Variants in ACTR3C observed in about 807,000 individuals in gnomAD.
ACTR3C encodes actin-related protein 3C.
In ACTR3C, 18 loss-of-function variants were observed where a neutral mutation model predicts 26.3. The observed-to-expected ratio is 0.68, with a 90% CI of 0.47 to 1.01. The LOEUF (loss-of-function observed/expected upper bound fraction) is 1.01, where lower values mean the gene tolerates loss of function less well. Among genes scored for constraint, ACTR3C ranks in the 50% least tolerant of loss-of-function variants. ACTR3C has a pLI of 0.00. For synonymous variants in ACTR3C, 55 were observed against 94.5 expected, an observed-to-expected ratio of 0.58 and a Z score of 2.42; for missense variants, 184 against 250.7, an observed-to-expected ratio of 0.73 and a Z score of 1.80.
At chr7:150,220,684 A>G in the ACTR3C span, among the ~76,000 whole-genome samples, 1 of 152,204 alleles carries the variant, frequency 6.6e-6, no homozygotes, top group Non-Finnish European at 1.5e-5. Flanking sequence ...GGGACGCAGG[A>G]CTAGGCTCTT....
At chr7:150,083,248 C>A in the ACTR3C span, among the ~76,000 whole-genome samples, 2 of 151,716 alleles carry the variant, frequency 1.3e-5, no homozygotes, top group Non-Finnish European at 2.9e-5. Context: ...GCCCAGCCTC[C>A]TCTAGATATT....
At chr7:150,284,113 A>G (rs1222522865) in intron 6 of ACTR3C, among the ~76,000 whole-genome samples, 2 of 152,224 alleles carry the variant, frequency 1.3e-5, no homozygotes, top group African/African-American at 4.8e-5. Context: ...ATATGCATGA[A>G]ACGAAACCAA....
At chr7:150,034,737 C>A in the ACTR3C span, among the ~76,000 whole-genome samples, 5 of 151,014 alleles carry the variant, frequency 3.3e-5, no homozygotes, top group Non-Finnish European at 7.4e-5. Context: ...CCAGGTGGGT[C>A]CTAAGGATCC....
intron 1 of ACTR3C, among the ~76,000 whole-genome samples, chr7:150,312,460 G>A (rs933071060): frequency 1.6e-4 from 25 of 152,188 alleles, no homozygotes; most frequent in African/African-American, 5.3e-4. Flanking sequence ...AGACAATGGG[G>A]ACAAAAAGCT....
the ACTR3C span, among the ~76,000 whole-genome samples, chr7:150,038,530 AC>A: frequency 6.9e-6 from 1 of 144,788 alleles, no homozygotes. Flanking sequence ...TCCACAGCCT[AC>A]AAAACCCCAC....
chr7:150,316,283 G>A (rs1457299108), intron 1 of ACTR3C, among the ~76,000 whole-genome samples: 2 of 152,184 alleles, frequency 1.3e-5, no homozygotes, highest in Non-Finnish European at 2.9e-5. Flanking sequence ...CATTGGGCCT[G>A]TTTAAACTTT....
the ACTR3C span, among the ~76,000 whole-genome samples, chr7:149,972,789 G>A: frequency 5.9e-5 from 9 of 152,198 alleles, no homozygotes; most frequent in Non-Finnish European, 1.3e-4. Context: ...TGGAGGAGTG[G>A]AACTTCATTC....
chr7:150,235,697 A>G, the ACTR3C span, among the ~76,000 whole-genome samples: 2 of 152,180 alleles, frequency 1.3e-5, no homozygotes, highest in African/African-American at 4.8e-5. Flanking sequence ...TGACAACTAC[A>G]TATGTTGCTT....
At chr7:150,315,294 C>G (rs1796756103) in intron 1 of ACTR3C, among the ~76,000 whole-genome samples, 2 of 152,010 alleles carry the variant, frequency 1.3e-5, no homozygotes, top group African/African-American at 2.4e-5. Context: ...AAACTTCTGT[C>G]CTGCTAAAAC....
At chr7:150,056,394 C>A in the ACTR3C span, among the ~76,000 whole-genome samples, 3 of 152,180 alleles carry the variant, frequency 2.0e-5, no homozygotes. Flanking sequence ...TCACTGTGGA[C>A]TGTAACTTTA....
intron 1 of ACTR3C, among the ~76,000 whole-genome samples, chr7:150,313,082 G>T (rs138835712): frequency 1.3e-5 from 2 of 152,136 alleles, no homozygotes; most frequent in Middle Eastern, 3.4e-3. Context: ...CATGCACCCC[G>T]TAACCCCCTC....
chr7:150,241,181 C>T (rs1229992426), downstream of ACTR3C, among the ~76,000 whole-genome samples: 1 of 151,958 alleles, frequency 6.6e-6, no homozygotes, highest in Non-Finnish European at 1.5e-5. Context: ...ATGCAAAGAA[C>T]ATATAAAATA....
chr7:150,319,982 G>A (rs1265204548), intron 1 of ACTR3C, among the ~76,000 whole-genome samples: 1 of 152,218 alleles, frequency 6.6e-6, no homozygotes, highest in Non-Finnish European at 1.5e-5. Context: ...ATTTCCTTCC[G>A]TTCTTCCTCT....
the ACTR3C span, among the ~76,000 whole-genome samples, chr7:149,924,880 G>A: frequency 6.6e-6 from 1 of 152,042 alleles, no homozygotes. Context: ...TGCCTGCTTC[G>A]GCCTCCCAAA....
chr7:150,092,927 G>A, the ACTR3C span, among the ~76,000 whole-genome samples: 1 of 151,488 alleles, frequency 6.6e-6, no homozygotes, highest in Admixed American at 6.6e-5. Context: ...TCCTGCAGCA[G>A]GCCCTGCAGA....
chr7:150,037,073 C>T, the ACTR3C span, among the ~76,000 whole-genome samples: 6 of 109,126 alleles, frequency 5.5e-5, no homozygotes, highest in African/African-American at 1.0e-4. Context: ...GCGGGGGGTG[C>T]CTCCCCCTCG....
At chr7:150,036,682 G>A in the ACTR3C span, among the ~76,000 whole-genome samples, 1 of 139,316 alleles carries the variant, frequency 7.2e-6, no homozygotes, top group African/African-American at 2.5e-5. Context: ...CCGGTAGATT[G>A]CAAATAACCT....
At chr7:150,198,595 A>G in the ACTR3C span, among the ~76,000 whole-genome samples, 1 of 134,894 alleles carries the variant, frequency 7.4e-6, no homozygotes. Flanking sequence ...AAGTGAGGAG[A>G]TCCTCCGCCC....
chr7:149,927,305 C>T, the ACTR3C span, among the ~76,000 whole-genome samples: 1 of 151,794 alleles, frequency 6.6e-6, no homozygotes, highest in Non-Finnish European at 1.5e-5. Context: ...GAAAGCAATC[C>T]TGTAACCTCC....
Sources: allele counts gnomAD v4.1 joint callset (sites outside exome capture counted in the v4.1 genomes callset), GRCh38; gene constraint gnomAD v4.1.1; transcripts MANE v1.5; gene names NCBI Gene and HGNC (gene_info 2026-07-23, HGNC 2026-07-21).